The following XNDC1N variants were observed in gnomAD, a reference collection of about 807,000 sequenced individuals.
XNDC1N encodes protein XNDC1N.
the XNDC1N span, among the ~76,000 whole-genome samples, chr11:71,884,954 C>T: frequency 1.4e-5 from 2 of 143,298 alleles, no homozygotes; most frequent in African/African-American, 2.6e-5. Context: ...ATGAGGAGCC[C>T]CCCACGATGC....
the XNDC1N span, among the ~76,000 whole-genome samples, chr11:71,908,377 A>G: frequency 6.6e-6 from 1 of 151,620 alleles, no homozygotes; most frequent in South Asian, 2.1e-4. Flanking sequence ...AATATTAATT[A>G]TTATTATCGG....
the XNDC1N span, among the ~76,000 whole-genome samples, chr11:71,919,929 C>CTTCTTTTTTTTTT: frequency 3.0e-4 from 8 of 26,628 alleles, no homozygotes; most frequent in South Asian, 1.8e-3. Flanking sequence ...AAGCAGGCCT[C>CTTCTTTTTTTTTT]TTTTTTTTTT....
At chr11:71,910,261 A>C in the XNDC1N span, among the ~76,000 whole-genome samples, 2 of 152,184 alleles carry the variant, frequency 1.3e-5, no homozygotes, top group Non-Finnish European at 2.9e-5. Flanking sequence ...CCAACAGTAA[A>C]TAACCCGTCC....
At chr11:71,891,747 G>C in the XNDC1N span, among the ~76,000 whole-genome samples, 1 of 152,188 alleles carries the variant, frequency 6.6e-6, no homozygotes, top group South Asian at 2.1e-4. Flanking sequence ...TACAACCCCT[G>C]CGATATTGGG....
At chr11:71,886,099 T>A in the XNDC1N span, among the ~76,000 whole-genome samples, 1 of 151,938 alleles carries the variant, frequency 6.6e-6, no homozygotes, top group African/African-American at 2.4e-5. Flanking sequence ...AGAGCAGCCG[T>A]AGACTGGGAT....
the XNDC1N span, among the ~76,000 whole-genome samples, chr11:71,918,290 T>TG: frequency 6.6e-6 from 1 of 152,174 alleles, no homozygotes; most frequent in South Asian, 2.1e-4. Context: ...GGGATTTATT[T>TG]TTATTTTTTG....
chr11:71,892,057 C>T, the XNDC1N span, among the ~76,000 whole-genome samples: 50 of 152,152 alleles, frequency 3.3e-4, no homozygotes, highest in Admixed American at 2.0e-3. Context: ...GGGGGGTGTA[C>T]AACTTCTGTG....
At chr11:71,926,321 A>G in the XNDC1N span, among the ~76,000 whole-genome samples, 1 of 152,162 alleles carries the variant, frequency 6.6e-6, no homozygotes, top group Non-Finnish European at 1.5e-5. Context: ...CAATCCTGAC[A>G]ATCAAACTGC....
the XNDC1N span, among the ~76,000 whole-genome samples, chr11:71,866,416 C>T: frequency 6.6e-6 from 1 of 152,088 alleles, no homozygotes. Flanking sequence ...GTGCATGGAA[C>T]ATATTATATT....
the XNDC1N span, among the ~76,000 whole-genome samples, chr11:71,907,310 C>T: frequency 6.6e-6 from 1 of 151,772 alleles, no homozygotes; most frequent in Non-Finnish European, 1.5e-5. Context: ...CACCCCCTCT[C>T]CCCCACTGGA....
At chr11:71,874,089 C>A in the XNDC1N span, among the ~76,000 whole-genome samples, 1 of 152,028 alleles carries the variant, frequency 6.6e-6, no homozygotes, top group African/African-American at 2.4e-5. Flanking sequence ...CCAAGGCAGG[C>A]GGATCATCTG....
At chr11:71,898,119 G>C in the XNDC1N span, among the ~76,000 whole-genome samples, 16 of 152,072 alleles carry the variant, frequency 1.1e-4, no homozygotes, top group Non-Finnish European at 1.9e-4. Flanking sequence ...AGGAGGCGGA[G>C]GTTGGAGTGA....
chr11:71,925,226 A>G, the XNDC1N span, among the ~76,000 whole-genome samples: 1 of 151,944 alleles, frequency 6.6e-6, no homozygotes, highest in South Asian at 2.1e-4. Context: ...TTGTCCCTTG[A>G]CAAATTGTAA....
the XNDC1N span, among the ~76,000 whole-genome samples, chr11:71,909,576 G>C: frequency 6.6e-6 from 1 of 152,294 alleles, no homozygotes; most frequent in East Asian, 1.9e-4. Context: ...AAGAGCCTCT[G>C]GTCAGAATGA....
At chr11:71,918,250 A>G in the XNDC1N span, among the ~76,000 whole-genome samples, 1 of 152,134 alleles carries the variant, frequency 6.6e-6, no homozygotes, top group Non-Finnish European at 1.5e-5. Flanking sequence ...TGACACAGAT[A>G]TTTACAGGTG....
At chr11:71,905,101 T>G in the XNDC1N span, among the ~76,000 whole-genome samples, 1 of 152,048 alleles carries the variant, frequency 6.6e-6, no homozygotes, top group African/African-American at 2.4e-5. Context: ...AGTCCCATTT[T>G]CCTAGGATAT....
the XNDC1N span, chr11:71,928,502 C>T: frequency 2.8e-6 from 2 of 702,570 alleles, no homozygotes; most frequent in African/African-American, 1.7e-5. Context: ...CACAGGAATG[C>T]GTTCTGGGGC....
the XNDC1N span, among the ~76,000 whole-genome samples, chr11:71,886,677 G>C: frequency 0.38 from 57,130 of 151,814 alleles, 12,481 homozygotes; most frequent in South Asian, 0.51. Context: ...CCGTCAAAGC[G>C]CAGAAGACAT....
chr11:71,920,060 C>A, the XNDC1N span, among the ~76,000 whole-genome samples: 1 of 143,278 alleles, frequency 7.0e-6, no homozygotes, highest in Non-Finnish European at 1.5e-5. Flanking sequence ...CGGGTTCATG[C>A]CATTCTCCTG....
Sources: allele counts gnomAD v4.1 joint callset (sites outside exome capture counted in the v4.1 genomes callset), GRCh38; gene constraint gnomAD v4.1.1; transcripts MANE v1.5; gene names NCBI Gene and HGNC (gene_info 2026-07-23, HGNC 2026-07-21).